Variants in RABGAP1L observed in about 807,000 individuals in gnomAD.
The protein encoded by RABGAP1L is RAB GTPase activating protein 1 like.
In RABGAP1L, 63 loss-of-function variants were observed where a neutral mutation model predicts 137.7. The ratio of observed to expected loss-of-function variants is 0.46; its 90% CI spans 0.37 to 0.56. The LOEUF (loss-of-function observed/expected upper bound fraction) is 0.56. Ranked by LOEUF, RABGAP1L falls within the 20% of genes least tolerant of loss-of-function variation. RABGAP1L has a pLI of 0.00. For synonymous variants in RABGAP1L, 431 were observed against 433.7 expected (o/e 0.99, Z 0.08); for missense variants, 1,095 against 1,244.0 (o/e 0.88, Z 1.80).
intron 1 of RABGAP1L, among the ~76,000 whole-genome samples, chr1:174,160,905 A>G (rs2148174049): frequency 6.6e-6 from 1 of 152,346 alleles, no homozygotes; most frequent in South Asian, 2.1e-4. Context: ...CATGGAAAAT[A>G]CTGGTTCACA....
At chr1:174,416,876 A>G (rs997612112) in intron 13 of RABGAP1L, among the ~76,000 whole-genome samples, 1 of 152,134 alleles carries the variant, frequency 6.6e-6, no homozygotes. Context: ...TATTATATCT[A>G]GGATTTGAGG....
intron 13 of RABGAP1L, among the ~76,000 whole-genome samples, chr1:174,468,542 A>G (rs1657553154): frequency 6.6e-6 from 1 of 152,228 alleles, no homozygotes; most frequent in Non-Finnish European, 1.5e-5. Flanking sequence ...ATTGATAAGT[A>G]AAATTAAACA....
At chr1:174,508,010 G>T (rs1490099042) in intron 13 of RABGAP1L, among the ~76,000 whole-genome samples, 4 of 152,070 alleles carry the variant, frequency 2.6e-5, no homozygotes, top group Non-Finnish European at 4.4e-5. Context: ...TGTTCTGGTT[G>T]ATTTTCAAAA....
At chr1:174,904,115 C>A (rs930092693) in intron 19 of RABGAP1L, among the ~76,000 whole-genome samples, 4 of 152,054 alleles carry the variant, frequency 2.6e-5, no homozygotes, top group African/African-American at 9.7e-5. Context: ...AGTAGGAGAA[C>A]TGAACTTCCA....
intron 11 of RABGAP1L, among the ~76,000 whole-genome samples, chr1:174,305,464 A>G (rs1026940163): frequency 2.0e-5 from 3 of 152,078 alleles, no homozygotes; most frequent in African/African-American, 7.2e-5. Flanking sequence ...GGCTCCCTGC[A>G]ACCTCTGCCT....
At position 174,793,839 on chromosome 1, in the gene RABGAP1L, G is replaced by T. The variant is rs553209945; in HGVS notation, c.2212-17993G>T. ...GCCTCTCCAGTAGCTGGGATTACAG[G>T]TATGCAACCACCACACCCAGCTAAT... On this transcript the variant is annotated intron_variant, in intron 18 of 25. Coordinates refer to ENST00000681986, the MANE Select transcript of RABGAP1L (RefSeq NM_001366446.1). Among the ~76,000 whole-genome samples the T allele has an allele frequency of 2.6e-5, 4 of 152,138 alleles. No homozygotes were observed. The East Asian group carries it at 7.7e-4, about 29-fold the overall frequency.
intron 13 of RABGAP1L, among the ~76,000 whole-genome samples, chr1:174,601,495 G>T (rs567090112): frequency 6.6e-6 from 1 of 151,678 alleles, no homozygotes; most frequent in African/African-American, 2.4e-5. Flanking sequence ...GGGGCCTGTC[G>T]TGGGGTTGGG....
intron 17 of RABGAP1L, among the ~76,000 whole-genome samples, chr1:174,712,659 C>G (rs1680651838): frequency 6.6e-6 from 1 of 152,250 alleles, no homozygotes; most frequent in East Asian, 1.9e-4. Flanking sequence ...CCCCTGCAGT[C>G]AGGCTGCCCA....
intron 17 of RABGAP1L, among the ~76,000 whole-genome samples, chr1:174,711,190 G>A (rs532113069): frequency 1.3e-5 from 2 of 152,206 alleles, no homozygotes; most frequent in South Asian, 2.1e-4. Flanking sequence ...CAAGTGCCAT[G>A]TACAGCCCCG....
chr1:174,329,462 A>G (rs1328244332), intron 11 of RABGAP1L, among the ~76,000 whole-genome samples: 1 of 152,130 alleles, frequency 6.6e-6, no homozygotes, highest in Admixed American at 6.6e-5. Context: ...AAATGAAGGA[A>G]CTCTTTCAAA....
intron 14 of RABGAP1L, among the ~76,000 whole-genome samples, chr1:174,670,144 CAATTT>C: frequency 6.6e-6 from 1 of 152,164 alleles, no homozygotes; most frequent in South Asian, 2.1e-4. Flanking sequence ...TTTGTGTCTT[CAATTT>C]ATTTCATCAA....
chr1:174,531,318 A>G (rs1664382669), intron 13 of RABGAP1L, among the ~76,000 whole-genome samples: 1 of 152,174 alleles, frequency 6.6e-6, no homozygotes, highest in South Asian at 2.1e-4. Context: ...TATTTGTGCT[A>G]TATACTTAAG....
At chr1:174,576,090 C>T (rs1351009747) in intron 13 of RABGAP1L, among the ~76,000 whole-genome samples, 1 of 152,130 alleles carries the variant, frequency 6.6e-6, no homozygotes, top group African/African-American at 2.4e-5. Flanking sequence ...ACAGTCTTTC[C>T]GTAACCTATG....
At chr1:174,271,571 C>G (rs1331894995) in intron 7 of RABGAP1L, among the ~76,000 whole-genome samples, 3 of 151,998 alleles carry the variant, frequency 2.0e-5, no homozygotes, top group Admixed American at 2.0e-4. Context: ...TACATTGCTT[C>G]TCAAGTTACG....
chr1:174,412,312 C>T lies in RABGAP1L; in HGVS notation c.1710+18167C>T, dbSNP rs553723710. On this transcript the variant is annotated intron_variant, in intron 13 of 25. Transcript: ENST00000681986. Reference sequence around the variant, plus strand: ...CTTGCCCATTTATGTTTTCCATTTGCATGGTAGATCTTCCTCCATCCCTTT... The same window carrying T: ...CTTGCCCATTTATGTTTTCCATTTGTATGGTAGATCTTCCTCCATCCCTTT... 1.2e-4 allele frequency among the ~76,000 whole-genome samples: 18 copies of T among 152,180 alleles called. No homozygotes were observed. The South Asian group carries it at 3.7e-3, about 32-fold the overall frequency.
intron 13 of RABGAP1L, among the ~76,000 whole-genome samples, chr1:174,447,903 C>A (rs1489342820): frequency 4.6e-5 from 6 of 130,142 alleles, no homozygotes; most frequent in Admixed American, 7.8e-5. Context: ...CCCCCCCCAC[C>A]CCCCCGCCCG....
intron 13 of RABGAP1L, among the ~76,000 whole-genome samples, chr1:174,498,705 T>A (rs1660975306): frequency 6.6e-6 from 1 of 151,112 alleles, no homozygotes; most frequent in African/African-American, 2.4e-5. Flanking sequence ...AAGATGGGGT[T>A]TCACCCTATT....
Position 174,743,434 on chromosome 1 carries a change from A to G in RABGAP1L, c.2170-8879A>G, listed in dbSNP as rs571792202. Among the ~76,000 whole-genome samples the G allele has an allele frequency of 2.2e-4, 34 of 152,328 alleles. No individual in the cohort carries two copies. In the South Asian group the frequency reaches 6.8e-3, roughly 31 times the overall value. On this transcript the variant is annotated intron_variant, in intron 17 of 25. Coordinates refer to ENST00000681986, the MANE Select transcript of RABGAP1L (RefSeq NM_001366446.1). ...TCTATGTTTATCCAAAAAACTATCT[A>G]TTGAACTATTGGGTCAGTTTGAAAC...
chr1:174,285,252 G>A (rs1369043580), intron 10 of RABGAP1L, among the ~76,000 whole-genome samples: 6 of 152,116 alleles, frequency 3.9e-5, no homozygotes, highest in Non-Finnish European at 8.8e-5. Flanking sequence ...CCTGACTTCA[G>A]GTGATCTGCC....
Sources: allele counts gnomAD v4.1 joint callset (sites outside exome capture counted in the v4.1 genomes callset), GRCh38; gene constraint gnomAD v4.1.1; transcripts MANE v1.5; gene names NCBI Gene and HGNC (gene_info 2026-07-23, HGNC 2026-07-21).